SMARCA2: variants seen among roughly 807,000 people sequenced by gnomAD.
SMARCA2 encodes SWI/SNF-related matrix-associated actin-dependent regulator of chromatin subfamily A member 2.
SMARCA2 carries 61 observed loss-of-function variants against 199.8 expected under a neutral mutation model. That is an observed-to-expected ratio of 0.31 (90% confidence interval 0.25 to 0.38). SMARCA2 has a LOEUF of 0.38. SMARCA2 is among the 10% of genes least tolerant of loss of function. SMARCA2 has a pLI of 1.00. For synonymous variants in SMARCA2, 935 were observed against 732.0 expected (o/e 1.28, Z -4.48); for missense variants, 1,344 against 2,012.2 (o/e 0.67, Z 6.35).
chr9:2,088,821 C>A (rs760088038), intron 19 of SMARCA2, among the ~76,000 whole-genome samples: 1 of 149,774 alleles, frequency 6.7e-6, no homozygotes, highest in East Asian at 1.9e-4. Context: ...CAAAAGCGTT[C>A]GAGCAGATTT....
At chr9:2,095,088 AT>A (rs773120638) in intron 19 of SMARCA2, among the ~76,000 whole-genome samples, 708 of 144,784 alleles carry the variant, frequency 4.9e-3, no homozygotes, top group African/African-American at 7.1e-3. Context: ...AAAAATTAGA[AT>A]TTTTTTTTTT....
intron 27 of SMARCA2, among the ~76,000 whole-genome samples, chr9:2,150,168 G>A (rs1586757876): frequency 6.6e-6 from 1 of 151,546 alleles, no homozygotes; most frequent in South Asian, 2.1e-4. Context: ...TATACTTTTT[G>A]CATATCTCCT....
Position 2,096,582 on chromosome 9 carries a change from C to T in SMARCA2, c.2884-75C>T. On this transcript the variant is annotated intron_variant, in intron 19 of 33. Transcript: ENST00000349721. ...CACCTTTGTGCTTCCAGGAGTGACA[C>T]TGACTCAGCAGTCTTCTTAGAACAG... 5.6e-6 allele frequency: 5 copies of T among 887,170 alleles called. No homozygotes were observed. In the Admixed American group the frequency reaches 8.8e-5, roughly 16 times the overall value. 55.0% of individuals were successfully genotyped at this position (887,170 alleles called of 1,614,324 possible).
chr9:2,101,470 T>G, intron 21 of SMARCA2, 100 bp from the exon 22 acceptor site: 1 of 595,618 alleles, frequency 1.7e-6, no homozygotes, highest in East Asian at 3.3e-5. Flanking sequence ...TTATTTTGTT[T>G]TAACTATAGA....
chr9:2,041,141 T>C lies in SMARCA2; in HGVS notation c.790+1241T>C, dbSNP rs144735766. On this transcript the variant is annotated intron_variant, in intron 4 of 33. Transcript: ENST00000349721. Reference sequence around the variant, plus strand: ...GTTCAGATTAGTATTTTTTCATTAATATTCTGCCTATTGAGTTTGTATACG... The same window carrying C: ...GTTCAGATTAGTATTTTTTCATTAACATTCTGCCTATTGAGTTTGTATACG... 6.6e-3 allele frequency: 2,542 copies of C among 388,008 alleles called. 9 individuals carry two copies. Among genetic ancestry groups the C allele is most frequent in the Middle Eastern group, 0.012 (18 of 1,530 alleles). 24.0% of individuals were successfully genotyped at this position (388,008 alleles called of 1,614,324 possible).
At chr9:2,047,530 C>T (rs765958817) in intron 5 of SMARCA2, 46 bp downstream of exon 5, 3 of 1,275,134 alleles carry the variant, frequency 2.4e-6, no homozygotes, top group Non-Finnish European at 3.0e-6. Flanking sequence ...GTGCTAGCAC[C>T]TGCCGCCCAA....
rs573191948 is a variant in SMARCA2, at chr9:2,182,788, C to T, written c.4461+546C>T. Among the ~76,000 whole-genome samples, 520 of 141,964 alleles carry T rather than the reference C, an allele frequency of 3.7e-3. 2 individuals carry two copies. The highest frequency in any genetic ancestry group is 0.013 in the African/African-American group (496 of 37,688). 93.1% of individuals were successfully genotyped at this position (141,964 alleles called of 152,430 possible). A position where few individuals can be genotyped will look rare whatever the true frequency, so the allele number is the denominator to read the frequency against. On this transcript the variant is annotated intron_variant, in intron 31 of 33. Coordinates refer to ENST00000349721, the MANE Select transcript of SMARCA2 (RefSeq NM_003070.5). ...GGGATTACAGGCATGAGCCACCACA[C>T]CCGGCCTCAAAGCATATATTTTTTT...
In SMARCA2 at chr9:2,123,881, C is replaced by T. The variant is rs1434818091; in HGVS notation, c.3925C>T (p.Arg1309Cys). The T allele has an allele frequency of 6.3e-7, 1 of 1,599,322 alleles. No individual in the cohort carries two copies. The highest frequency in any genetic ancestry group is 8.5e-7 in the Non-Finnish European group (1 of 1,173,148). Residue 1309 changes from arginine (R) to cysteine (C), a missense_variant, in exon 27 of 34, where the codon CGC (arginine) becomes TGC (cysteine). By Grantham distance (180) the Arg-to-Cys change is radical. Transcript: ENST00000349721. This position sits in a 1 kb window ranked among gnomAD's most constrained non-coding sequence, Gnocchi z 4.1. ...EEEKIFGRGS[R>C]QRRDVDYSDA... ...GGAGAAAATATTTGGGAGGGGGTCCCGCCAGCGCCGTGACGTGGACTACAG... is the reference window on the plus strand; with the variant it reads ...GGAGAAAATATTTGGGAGGGGGTCCTGCCAGCGCCGTGACGTGGACTACAG...
intron 18 of SMARCA2, among the ~76,000 whole-genome samples, chr9:2,088,135 A>C (rs905370212): frequency 6.6e-6 from 1 of 152,230 alleles, no homozygotes; most frequent in Non-Finnish European, 1.5e-5. Flanking sequence ...CACTTTAAAT[A>C]GGGAACATAT....
intron 22 of SMARCA2, among the ~76,000 whole-genome samples, chr9:2,103,613 A>T (rs1026017030): frequency 6.6e-6 from 1 of 151,616 alleles, no homozygotes; most frequent in African/African-American, 2.4e-5. Context: ...GGAGAAATTT[A>T]CAGAAACATG....
chr9:2,191,146 G>C (rs983732579), intron 32 of SMARCA2, 120 bp from the exon 33 acceptor site: 2 of 960,830 alleles, frequency 2.1e-6, no homozygotes, highest in Non-Finnish European at 3.2e-6. Context: ...CATAAACCGG[G>C]AATGTTCTGG....
At position 2,054,681 on chromosome 9, in the gene SMARCA2, C is replaced by T. The variant is rs766651421; in HGVS notation, c.1131C>T (p.Thr377=). 16 of 1,613,912 alleles carry T rather than the reference C, an allele frequency of 9.9e-6. No individual in the cohort carries two copies. The highest frequency in any genetic ancestry group is 2.2e-5 in the East Asian group (1 of 44,880). The change falls in exon 6 of 34, where the codon ACC becomes ACT. Residue 377 remains threonine, a synonymous_variant. Coordinates refer to ENST00000349721, the MANE Select transcript of SMARCA2 (RefSeq NM_003070.5). The part of the protein sequence containing the change: ...SLPPDLRTKA[T]VELKALRLLN... ...CACCAGATTTAAGAACCAAAGCAACCGTGGAACTAAAAGCACTTCGGTTAC... is the reference window on the plus strand; with the variant it reads ...CACCAGATTTAAGAACCAAAGCAACTGTGGAACTAAAAGCACTTCGGTTAC...
rs909614372 is a variant in SMARCA2, at chr9:2,104,555, C to G, written c.3292+386C>G. On this transcript the variant is annotated intron_variant, in intron 23 of 33. Coordinates refer to ENST00000349721, the MANE Select transcript of SMARCA2 (RefSeq NM_003070.5). This position sits in a 1 kb window ranked among gnomAD's most constrained non-coding sequence, Gnocchi z 4.0. ...AAGGCATATTTTAAGGGGATAAAGG[C>G]TATGTCACTTTTCTTTGTAACAATA... Among the ~76,000 whole-genome samples, 2 of 152,152 alleles carry G rather than the reference C, an allele frequency of 1.3e-5. No homozygotes were observed. Among genetic ancestry groups the G allele is most frequent in the African/African-American group, 4.8e-5 (2 of 41,404 alleles).
chr9:2,176,182 G>GTTTTTTTTTTTTTTGTTTTTTTTT (rs1554642562), intron 29 of SMARCA2, among the ~76,000 whole-genome samples: 6 of 104,158 alleles, frequency 5.8e-5, no homozygotes, highest in African/African-American at 2.2e-4. Context: ...CGCCCGGCCT[G>GTTTTTTTTTTTTTTGTTTTTTTTT]TTTTTTTTTT....
chr9:2,177,078 G>A (rs1826660811), intron 29 of SMARCA2, among the ~76,000 whole-genome samples: 2 of 152,156 alleles, frequency 1.3e-5, no homozygotes, highest in Non-Finnish European at 2.9e-5. Context: ...TCAGGTTTCT[G>A]CAGGCTCTCT....
intron 3 of SMARCA2, among the ~76,000 whole-genome samples, chr9:2,037,551 T>C (rs1424713507): frequency 6.6e-6 from 1 of 152,180 alleles, no homozygotes; most frequent in Non-Finnish European, 1.5e-5. Flanking sequence ...TAACTGAATC[T>C]TTTATTTTCT....
At chr9:2,019,670 CA>C (rs1387762162) in intron 1 of SMARCA2, among the ~76,000 whole-genome samples, 2 of 152,126 alleles carry the variant, frequency 1.3e-5, no homozygotes, top group Non-Finnish European at 2.9e-5. Flanking sequence ...AGTATAAAAG[CA>C]TATCACATCC....
At chr9:2,087,220 C>A (rs1284125580) in intron 18 of SMARCA2, 149 bp downstream of exon 18, 2 of 910,328 alleles carry the variant, frequency 2.2e-6, no homozygotes, top group African/African-American at 1.7e-5. Context: ...TGGACATGGT[C>A]TTGTGGTGGG....
chr9:2,134,338 T>G (rs766271914), intron 27 of SMARCA2, among the ~76,000 whole-genome samples: 4 of 152,160 alleles, frequency 2.6e-5, no homozygotes, highest in Non-Finnish European at 5.9e-5. Flanking sequence ...AGCCATTAAG[T>G]CTCTTTACCC....
Sources: allele counts gnomAD v4.1 joint callset (sites outside exome capture counted in the v4.1 genomes callset), GRCh38; gene constraint gnomAD v4.1.1; non-coding constraint Gnocchi (gnomAD v3.1); transcripts MANE v1.5; gene names NCBI Gene and HGNC (gene_info 2026-07-23, HGNC 2026-07-21).